The following PPARGC1A variants were observed in gnomAD, a reference collection of about 807,000 sequenced individuals.
PPARGC1A encodes the protein PPARG coactivator 1 alpha, also known as peroxisome proliferator-activated receptor gamma coactivator 1-alpha.
In PPARGC1A, 25 loss-of-function variants were observed where a neutral mutation model predicts 88.7. The observed-to-expected ratio is 0.28, with a 90% confidence interval of 0.21 to 0.39. The LOEUF is 0.39. Ranked by LOEUF, PPARGC1A falls within the 10% of genes least tolerant of loss-of-function variation. The pLI is 1.00. For missense variants in PPARGC1A, 880 were observed against 968.7 expected, an observed-to-expected ratio of 0.91 and a Z score of 1.22; for synonymous variants, 363 against 355.6, an observed-to-expected ratio of 1.02 and a Z score of -0.24.
At chr4:24,186,116 A>G in the PPARGC1A span, among the ~76,000 whole-genome samples, 1 of 152,132 alleles carries the variant, frequency 6.6e-6, no homozygotes, top group African/African-American at 2.4e-5. Flanking sequence ...TCAGCCCTAC[A>G]AACTGTGTGC....
the PPARGC1A span, among the ~76,000 whole-genome samples, chr4:23,915,667 G>A: frequency 7.2e-5 from 11 of 152,224 alleles, no homozygotes; most frequent in East Asian, 1.9e-4. Context: ...ACATAGACAC[G>A]TGATAGATAT....
the PPARGC1A span, among the ~76,000 whole-genome samples, chr4:24,176,084 G>A: frequency 6.6e-6 from 1 of 152,170 alleles, no homozygotes; most frequent in African/African-American, 2.4e-5. Flanking sequence ...CTCCCAAAAA[G>A]AGCCACTTCT....
At chr4:23,920,020 A>G in the PPARGC1A span, among the ~76,000 whole-genome samples, 1 of 152,220 alleles carries the variant, frequency 6.6e-6, no homozygotes, top group Admixed American at 6.5e-5. Context: ...CAAAGATCCA[A>G]AAGATCTGAC....
At chr4:24,104,406 C>G in the PPARGC1A span, among the ~76,000 whole-genome samples, 1 of 152,174 alleles carries the variant, frequency 6.6e-6, no homozygotes, top group East Asian at 1.9e-4. Context: ...CACTTGGGCT[C>G]TGACACTCCC....
the PPARGC1A span, among the ~76,000 whole-genome samples, chr4:24,065,239 C>A: frequency 6.6e-5 from 10 of 152,110 alleles, no homozygotes; most frequent in Admixed American, 6.5e-4. Flanking sequence ...ATCTGCTCCT[C>A]CAAGCAGGAG....
At chr4:24,415,128 T>G in the PPARGC1A span, among the ~76,000 whole-genome samples, 3 of 151,586 alleles carry the variant, frequency 2.0e-5, no homozygotes, top group African/African-American at 7.3e-5. Flanking sequence ...AGGTAGAGGT[T>G]GCAGTGAGCC....
the PPARGC1A span, among the ~76,000 whole-genome samples, chr4:24,470,279 C>CACACACAG: frequency 1.2e-5 from 1 of 85,456 alleles, no homozygotes; most frequent in Non-Finnish European, 2.7e-5. The surrounding 1 kb of genome is among the most constrained non-coding windows in gnomAD (Gnocchi z 5.8). Context: ...CAGACACAGA[C>CACACACAG]ACACACACAC....
the PPARGC1A span, among the ~76,000 whole-genome samples, chr4:24,310,851 C>T: frequency 2.6e-5 from 4 of 152,004 alleles, no homozygotes; most frequent in East Asian, 3.9e-4. Flanking sequence ...AAGAGAAAAA[C>T]GATCCATGGA....
the PPARGC1A span, among the ~76,000 whole-genome samples, chr4:23,969,854 CT>C: frequency 3.2e-3 from 483 of 152,324 alleles, no homozygotes; most frequent in Non-Finnish European, 5.7e-3. Context: ...CAGGAAGCAA[CT>C]TTTCCTACTA....
the PPARGC1A span, among the ~76,000 whole-genome samples, chr4:24,423,375 A>C: frequency 6.6e-6 from 1 of 152,224 alleles, no homozygotes; most frequent in East Asian, 1.9e-4. Context: ...AAACCCTCTA[A>C]AGTCATTCCA....
the PPARGC1A span, among the ~76,000 whole-genome samples, chr4:24,310,290 C>T: frequency 6.6e-6 from 1 of 152,136 alleles, no homozygotes; most frequent in Non-Finnish European, 1.5e-5. Flanking sequence ...CAACTAAAAA[C>T]CACAAAAATG....
Position 23,801,816 on chromosome 4 carries a change from T to G in PPARGC1A, c.2207A>C (p.Tyr736Ser), listed in dbSNP as rs748456686. The G allele has an allele frequency of 6.2e-6, 10 of 1,613,884 alleles. No individual in the cohort carries two copies. The highest frequency in any genetic ancestry group is 5.0e-5 in the Admixed American group (3 of 59,994). ...AGTTTCGTTTGACCTGCGCAAAGTGTATCCATTTTCAAGAGCAGCAAAAGC... is the reference window on the plus strand; with the variant it reads ...AGTTTCGTTTGACCTGCGCAAAGTGGATCCATTTTCAAGAGCAGCAAAAGC... ...CDAFAALENG[Y>S]TLRRSNETDF... The change falls in exon 12 of 13, where the codon TAC (tyrosine) becomes TCC (serine). Residue 736 changes from tyrosine (Y) to serine (S), a missense_variant. Tyr to Ser is a moderately radical substitution (Grantham distance 144). Coordinates refer to ENST00000264867, the MANE Select transcript of PPARGC1A (RefSeq NM_013261.5).
At chr4:23,985,739 C>T in the PPARGC1A span, among the ~76,000 whole-genome samples, 1 of 151,982 alleles carries the variant, frequency 6.6e-6, no homozygotes, top group African/African-American at 2.4e-5. Context: ...TCTATTTGAT[C>T]ATCAAACTAA....
intron 1 of PPARGC1A, among the ~76,000 whole-genome samples, chr4:23,886,548 CAA>C (rs1716926452): frequency 6.6e-6 from 1 of 152,108 alleles, no homozygotes; most frequent in Admixed American, 6.5e-5. Flanking sequence ...TCCTCACCAT[CAA>C]AACTCTTTCC....
intron 10 of PPARGC1A, among the ~76,000 whole-genome samples, chr4:23,802,676 C>CGAA (rs1719019254): frequency 3.8e-5 from 1 of 26,130 alleles, no homozygotes. Context: ...GACTCCATCT[C>CGAA]AAAAAAAAAA....
At chr4:24,304,372 C>T in the PPARGC1A span, among the ~76,000 whole-genome samples, 1 of 152,204 alleles carries the variant, frequency 6.6e-6, no homozygotes, top group South Asian at 2.1e-4. Flanking sequence ...ACAGCTGTCA[C>T]TTAAAGTCCT....
chr4:24,433,517 G>C, the PPARGC1A span, among the ~76,000 whole-genome samples: 1 of 152,068 alleles, frequency 6.6e-6, no homozygotes, highest in Non-Finnish European at 1.5e-5. Context: ...TGCAGGAGGG[G>C]CATATAAACT....
At chr4:23,795,952 A>T (rs1333397215) in intron 12 of PPARGC1A, 27 bp from the exon 13 acceptor site, 1 of 1,538,822 alleles carries the variant, frequency 6.5e-7, no homozygotes, top group Admixed American at 1.7e-5. Context: ...GCCAGTTTAG[A>T]TACACACTTT....
Position 23,848,234 on chromosome 4 carries a change from C to T in PPARGC1A, c.235-16483G>A, listed in dbSNP as rs553985110. On this transcript the variant is annotated intron_variant, in intron 2 of 12. Transcript: ENST00000264867. Reference sequence around the variant, plus strand: ...TCATTCAAGCAATATTTACTGAATTCGTACCATGCTTATATAGTTACAAAC... The same window carrying T: ...TCATTCAAGCAATATTTACTGAATTTGTACCATGCTTATATAGTTACAAAC... 2.9e-4 allele frequency among the ~76,000 whole-genome samples: 44 copies of T among 152,296 alleles called. No individual in the cohort carries two copies. The South Asian group carries it at 8.1e-3, about 28-fold the overall frequency.
Sources: allele counts gnomAD v4.1 joint callset (sites outside exome capture counted in the v4.1 genomes callset), GRCh38; gene constraint gnomAD v4.1.1; non-coding constraint Gnocchi (gnomAD v3.1); transcripts MANE v1.5; gene names NCBI Gene and HGNC (gene_info 2026-07-23, HGNC 2026-07-21).